Variants in SPOCK1 observed in about 807,000 individuals in gnomAD.
The protein encoded by SPOCK1 is testican-1.
SPOCK1 carries 23 observed loss-of-function variants against 55.3 expected under a neutral mutation model. That is an observed-to-expected ratio of 0.42 (90% CI 0.30 to 0.59). The LOEUF (loss-of-function observed/expected upper bound fraction) is 0.59. SPOCK1 is among the 20% of genes least tolerant of loss of function. The pLI is 0.22. For missense variants in SPOCK1, 499 were observed against 552.5 expected (o/e 0.90, Z 0.97); for synonymous variants, 226 against 221.0 (o/e 1.02, Z -0.20).
intron 6 of SPOCK1, among the ~76,000 whole-genome samples, chr5:136,994,891 A>G (rs1274034239): frequency 1.3e-5 from 2 of 151,990 alleles, no homozygotes; most frequent in Non-Finnish European, 2.9e-5. Flanking sequence ...TGTGATCCCA[A>G]CTACTTGGAA....
chr5:137,133,130 G>A (rs978153455), intron 4 of SPOCK1, among the ~76,000 whole-genome samples: 3 of 152,124 alleles, frequency 2.0e-5, no homozygotes, highest in Non-Finnish European at 2.9e-5. Context: ...AGCACTTTAG[G>A]AGGCTGAGGC....
At chr5:137,114,996 G>A (rs780542504) in intron 4 of SPOCK1, among the ~76,000 whole-genome samples, 123 of 152,286 alleles carry the variant, frequency 8.1e-4, no homozygotes, top group Non-Finnish European at 1.2e-3. Flanking sequence ...TGAACCAATG[G>A]CTTTGAAGAA....
chr5:137,121,908 G>A (rs1200361459), intron 4 of SPOCK1, among the ~76,000 whole-genome samples: 1 of 144,232 alleles, frequency 6.9e-6, no homozygotes, highest in Non-Finnish European at 1.5e-5. Flanking sequence ...GTTATTATAT[G>A]TCATAAATAA....
chr5:137,360,188 T>C (rs1036598744), intron 2 of SPOCK1, among the ~76,000 whole-genome samples: 3 of 152,198 alleles, frequency 2.0e-5, no homozygotes, highest in East Asian at 1.9e-4. Context: ...TCATTCCTCA[T>C]GGGAAACACA....
At chr5:137,442,521 C>A in intron 2 of SPOCK1, among the ~76,000 whole-genome samples, 1 of 152,182 alleles carries the variant, frequency 6.6e-6, no homozygotes, top group East Asian at 1.9e-4. Flanking sequence ...TAAGATAGTG[C>A]GTGTACAACA....
chr5:137,374,107 A>T (rs1453005904), intron 2 of SPOCK1, among the ~76,000 whole-genome samples: 2 of 152,256 alleles, frequency 1.3e-5, no homozygotes, highest in African/African-American at 4.8e-5. Context: ...GATTGCATGC[A>T]CTAAATAATT....
intron 2 of SPOCK1, among the ~76,000 whole-genome samples, chr5:137,298,607 C>T (rs987020421): frequency 2.0e-5 from 3 of 152,146 alleles, no homozygotes; most frequent in Admixed American, 6.5e-5. Context: ...TCTCCAGCTA[C>T]AAGAGAGAAT....
intron 5 of SPOCK1, among the ~76,000 whole-genome samples, chr5:137,073,921 C>A (rs1752672469): frequency 3.9e-5 from 6 of 152,078 alleles, no homozygotes; most frequent in Admixed American, 3.9e-4. Flanking sequence ...CGGCAGTCAC[C>A]CCTTAACAAA....
intron 5 of SPOCK1, among the ~76,000 whole-genome samples, chr5:137,079,538 C>CG (rs1214276152): frequency 3.2e-4 from 33 of 101,844 alleles, no homozygotes; most frequent in Middle Eastern, 5.0e-3. Context: ...CTGATTCCCC[C>CG]CCCCCCCGAC....
At chr5:137,022,847 G>A (rs1473834696) in intron 6 of SPOCK1, among the ~76,000 whole-genome samples, 1 of 152,154 alleles carries the variant, frequency 6.6e-6, no homozygotes, top group Non-Finnish European at 1.5e-5. Context: ...ATTCCTATAT[G>A]GGCCATAGAT....
intron 3 of SPOCK1, among the ~76,000 whole-genome samples, chr5:137,264,260 AC>A (rs1199815658): frequency 6.6e-6 from 1 of 152,166 alleles, no homozygotes; most frequent in African/African-American, 2.4e-5. Context: ...AGCTGTTGTC[AC>A]CAAACCAAAT....
chr5:137,156,757 CAG>C (rs1754425524), intron 3 of SPOCK1, among the ~76,000 whole-genome samples: 1 of 152,034 alleles, frequency 6.6e-6, no homozygotes, highest in Admixed American at 6.6e-5. Context: ...GCCAAGGTAA[CAG>C]AGAAACTTGT....
At chr5:137,089,299 T>A (rs1580744843) in intron 5 of SPOCK1, among the ~76,000 whole-genome samples, 1 of 152,218 alleles carries the variant, frequency 6.6e-6, no homozygotes, top group Non-Finnish European at 1.5e-5. Flanking sequence ...CAACAGCATT[T>A]TCTAATTTTC....
chr5:137,154,054 G>A (rs769930149), intron 3 of SPOCK1, among the ~76,000 whole-genome samples: 17 of 152,024 alleles, frequency 1.1e-4, no homozygotes, highest in Non-Finnish European at 2.1e-4. Context: ...TTGGGAGGCC[G>A]AGGTGGGCAG....
At chr5:137,053,289 T>G (rs773057920) in intron 6 of SPOCK1, among the ~76,000 whole-genome samples, 42 of 151,952 alleles carry the variant, frequency 2.8e-4, no homozygotes, top group Admixed American at 7.9e-4. Flanking sequence ...AGAAAGCCAA[T>G]AAGGAAAGCC....
At chr5:137,443,411 TTA>T (rs1753058504) in intron 2 of SPOCK1, among the ~76,000 whole-genome samples, 1 of 152,108 alleles carries the variant, frequency 6.6e-6, no homozygotes, top group Admixed American at 6.5e-5. Flanking sequence ...AAACAAAGGC[TTA>T]GTCTTTCATT....
chr5:137,385,186 CT>C (rs1751573664), intron 2 of SPOCK1, among the ~76,000 whole-genome samples: 1 of 152,206 alleles, frequency 6.6e-6, no homozygotes, highest in African/African-American at 2.4e-5. Flanking sequence ...CAGACTGCCA[CT>C]CTAGATCACA....
chr5:137,014,696 G>A (rs1052360385), intron 6 of SPOCK1, among the ~76,000 whole-genome samples: 1 of 152,174 alleles, frequency 6.6e-6, no homozygotes, highest in Non-Finnish European at 1.5e-5. Context: ...AATGGAATAT[G>A]TACATAGCTA....
At chr5:137,404,367 G>A (rs1752048651) in intron 2 of SPOCK1, among the ~76,000 whole-genome samples, 2 of 151,280 alleles carry the variant, frequency 1.3e-5, no homozygotes, top group Non-Finnish European at 2.9e-5. Flanking sequence ...GTTTTTAGAT[G>A]TCATCTTCTA....
Sources: gnomAD v4.1 joint callset for allele counts (sites outside exome capture counted in the v4.1 genomes callset) on GRCh38, gnomAD v4.1.1 for gene constraint, MANE v1.5 for transcripts, NCBI Gene and HGNC (gene_info 2026-07-23, HGNC 2026-07-21) for gene names.